GALNT16: variants seen among roughly 807,000 people sequenced by gnomAD.
GALNT16 encodes UDP-GalNAc:polypeptide N-acetylgalactosaminyltransferase-like protein 1.
In GALNT16, 40 loss-of-function variants were observed where a neutral mutation model predicts 76.1. The ratio of observed to expected loss-of-function variants is 0.53; its 90% CI spans 0.41 to 0.68. GALNT16 has a LOEUF of 0.68. GALNT16 is among the 30% of genes least tolerant of loss of function. The pLI is 0.00. For missense variants in GALNT16, 621 were observed against 731.9 expected (o/e 0.85, Z 1.75); for synonymous variants, 276 against 285.2 (o/e 0.97, Z 0.32).
At chr14:69,336,416 T>C (rs114800191) in intron 9 of GALNT16, among the ~76,000 whole-genome samples, 5,819 of 152,260 alleles carry the variant, frequency 0.038, 135 homozygotes, top group South Asian at 0.055. Flanking sequence ...CCAGCCAGCA[T>C]GGCCTCTTTG....
At chr14:69,277,038 G>C (rs1160930056) in intron 1 of GALNT16, among the ~76,000 whole-genome samples, 1 of 152,156 alleles carries the variant, frequency 6.6e-6, no homozygotes, top group African/African-American at 2.4e-5. Flanking sequence ...GAAGGCACTG[G>C]TCATGGAGAA....
At chr14:69,367,480 C>T in the GALNT16 span, among the ~76,000 whole-genome samples, 2 of 151,920 alleles carry the variant, frequency 1.3e-5, no homozygotes, top group African/African-American at 4.8e-5. Context: ...CTCACCAGCA[C>T]CTAACCATCC....
intron 1 of GALNT16, among the ~76,000 whole-genome samples, chr14:69,312,885 G>T (rs184898628): frequency 6.6e-6 from 1 of 152,290 alleles, no homozygotes; most frequent in East Asian, 1.9e-4. Flanking sequence ...GGCAAGAGGG[G>T]ATGCCAAGGA....
intron 1 of GALNT16, among the ~76,000 whole-genome samples, chr14:69,294,885 CATG>C (rs1479030166): frequency 3.3e-5 from 5 of 152,104 alleles, no homozygotes; most frequent in Non-Finnish European, 5.9e-5. Context: ...CGCTGGCTCA[CATG>C]ATATTTTTGA....
At chr14:69,263,625 G>A (rs1452094902) in intron 1 of GALNT16, among the ~76,000 whole-genome samples, 2 of 152,230 alleles carry the variant, frequency 1.3e-5, no homozygotes, top group Non-Finnish European at 2.9e-5. Flanking sequence ...CTTTCACAAT[G>A]TCTGGACTAT....
downstream of GALNT16, among the ~76,000 whole-genome samples, chr14:69,360,259 G>A (rs183820778): frequency 5.4e-3 from 823 of 151,416 alleles, 1 homozygote; most frequent in Middle Eastern, 0.01. Context: ...AGGCTGAGGC[G>A]GGAGGATCAC....
intron 13 of GALNT16, 50 bp downstream of exon 13, chr14:69,347,231 C>CCAGGAGTG (rs746554131): frequency 2.8e-5 from 43 of 1,521,222 alleles, no homozygotes; most frequent in Non-Finnish European, 3.7e-5. Flanking sequence ...GAGGCATTGT[C>CCAGGAGTG]CAGGAGTGGG....
intron 1 of GALNT16, among the ~76,000 whole-genome samples, chr14:69,314,275 A>G (rs1040798209): frequency 5.9e-5 from 9 of 152,262 alleles, no homozygotes; most frequent in African/African-American, 1.9e-4. Context: ...TGCATTCTTG[A>G]TAATTTCCAT....
chr14:69,307,345 A>T (rs1322179539), intron 1 of GALNT16, among the ~76,000 whole-genome samples: 1 of 152,228 alleles, frequency 6.6e-6, no homozygotes, highest in African/African-American at 2.4e-5. Flanking sequence ...GCTCTTCAGC[A>T]GCCTTGTCCA....
chr14:69,314,218 AATC>A (rs2045068876), intron 1 of GALNT16, among the ~76,000 whole-genome samples: 2 of 152,290 alleles, frequency 1.3e-5, no homozygotes, highest in African/African-American at 4.8e-5. Context: ...TAATAATAAT[AATC>A]ACAATTTATG....
intron 1 of GALNT16, among the ~76,000 whole-genome samples, chr14:69,277,108 T>C (rs2044480810): frequency 6.6e-6 from 1 of 152,230 alleles, no homozygotes; most frequent in African/African-American, 2.4e-5. Context: ...TGCAGGCCAA[T>C]CTGTAAAAGG....
chr14:69,383,912 C>T, the GALNT16 span, among the ~76,000 whole-genome samples: 1 of 152,122 alleles, frequency 6.6e-6, no homozygotes, highest in East Asian at 1.9e-4. Flanking sequence ...CTTGGGGAGG[C>T]TGAGGAAGGA....
intron 1 of GALNT16, among the ~76,000 whole-genome samples, chr14:69,301,383 T>G (rs1261803728): frequency 1.3e-5 from 2 of 152,182 alleles, no homozygotes; most frequent in Non-Finnish European, 2.9e-5. Flanking sequence ...AGACGGAGTC[T>G]CTCTGTGTTG....
intron 2 of GALNT16, among the ~76,000 whole-genome samples, chr14:69,324,379 C>T (rs2045248460): frequency 6.6e-6 from 1 of 152,122 alleles, no homozygotes; most frequent in Admixed American, 6.5e-5. Context: ...ATCCTGGGGC[C>T]TGGTGCAGTA....
intron 7 of GALNT16, among the ~76,000 whole-genome samples, chr14:69,331,888 A>C (rs2045356834): frequency 6.6e-6 from 1 of 152,248 alleles, no homozygotes; most frequent in Non-Finnish European, 1.5e-5. Flanking sequence ...CCATGATGTG[A>C]CAGCTGTCTT....
downstream of GALNT16, among the ~76,000 whole-genome samples, chr14:69,361,837 T>A (rs2045726282): frequency 6.6e-6 from 1 of 152,056 alleles, no homozygotes; most frequent in Admixed American, 6.6e-5. Context: ...CGAAACTCCG[T>A]CTCTACTAAA....
chr14:69,369,502 GA>G, the GALNT16 span, among the ~76,000 whole-genome samples: 1 of 152,152 alleles, frequency 6.6e-6, no homozygotes, highest in Admixed American at 6.5e-5. Flanking sequence ...GGTCCATGAG[GA>G]GGGGTGGTGA....
At chr14:69,383,616 GAAAC>G in the GALNT16 span, among the ~76,000 whole-genome samples, 1 of 152,120 alleles carries the variant, frequency 6.6e-6, no homozygotes, top group Non-Finnish European at 1.5e-5. Flanking sequence ...TTCAACATTA[GAAAC>G]AAACAAATAG....
chr14:69,381,774 T>C, the GALNT16 span, among the ~76,000 whole-genome samples: 3 of 152,140 alleles, frequency 2.0e-5, no homozygotes. Context: ...CTGCAACCTC[T>C]GCCACCTGGG....
Sources: gnomAD v4.1 joint callset for allele counts (sites outside exome capture counted in the v4.1 genomes callset) on GRCh38, gnomAD v4.1.1 for gene constraint, MANE v1.5 for transcripts, NCBI Gene and HGNC (gene_info 2026-07-23, HGNC 2026-07-21) for gene names.